The following THSD7A variants were observed in gnomAD, a reference collection of about 807,000 sequenced individuals.
THSD7A encodes the protein thrombospondin type-1 domain-containing protein 7A.
In THSD7A, 96 loss-of-function variants were observed where a neutral mutation model predicts 231.3. That is an observed-to-expected ratio of 0.41 (90% CI 0.35 to 0.49). The LOEUF (loss-of-function observed/expected upper bound fraction) is 0.49. Ranked by LOEUF, THSD7A falls within the 20% of genes least tolerant of loss-of-function variation. THSD7A has a pLI of 0.05. For synonymous variants in THSD7A, 940 were observed against 743.3 expected (o/e 1.26, Z -4.30); for missense variants, 2,290 against 2,070.2 (o/e 1.11, Z -2.06).
Position 11,446,333 on chromosome 7 carries a change from G to C in THSD7A, c.2801-9C>G, listed in dbSNP as rs1488172541. 14 of 1,605,872 alleles carry C rather than the reference G, an allele frequency of 8.7e-6. No individual in the cohort carries two copies. The highest frequency in any genetic ancestry group is 3.4e-5 in the Admixed American group (2 of 59,560). Reference sequence around the variant, plus strand: ...CTTCTTTTTACTTTTTCCTGTGGAAGAGAAACAATCAGGCAATTTAAGTTG... The same window carrying C: ...CTTCTTTTTACTTTTTCCTGTGGAACAGAAACAATCAGGCAATTTAAGTTG... On this transcript the variant is annotated splice_polypyrimidine_tract_variant and intron_variant, in intron 12 of 27. Coordinates refer to ENST00000423059, the MANE Select transcript of THSD7A (RefSeq NM_015204.3). This position sits in a 1 kb window ranked among gnomAD's most constrained non-coding sequence, Gnocchi z 4.0.
chr7:11,527,249 A>G (rs1788513435), intron 6 of THSD7A, among the ~76,000 whole-genome samples: 1 of 152,200 alleles, frequency 6.6e-6, no homozygotes, highest in African/African-American at 2.4e-5. Flanking sequence ...TGAAAATATA[A>G]GCCAAATATT....
At chr7:11,511,539 C>G (rs1311174203) in intron 6 of THSD7A, among the ~76,000 whole-genome samples, 1 of 152,156 alleles carries the variant, frequency 6.6e-6, no homozygotes, top group African/African-American at 2.4e-5. Context: ...AACTATACCA[C>G]AAGGCTACAG....
At chr7:11,523,733 GAA>G (rs1788361452) in intron 6 of THSD7A, among the ~76,000 whole-genome samples, 1 of 152,036 alleles carries the variant, frequency 6.6e-6, no homozygotes. Context: ...AAAAAAACCA[GAA>G]TATACTGGTC....
chr7:11,649,398 AT>A (rs1782408833), intron 1 of THSD7A, among the ~76,000 whole-genome samples: 1 of 152,036 alleles, frequency 6.6e-6, no homozygotes, highest in South Asian at 2.1e-4. Context: ...GATAATGAAT[AT>A]TTATTGGTTA....
At chr7:11,424,949 C>T (rs1348258445) in intron 15 of THSD7A, 120 bp from the exon 16 acceptor site, 4 of 1,200,088 alleles carry the variant, frequency 3.3e-6, no homozygotes, top group Non-Finnish European at 4.7e-6. Context: ...TCCTTTACTG[C>T]TTATTATTCT....
chr7:11,764,569 C>CAA (rs11423096), intron 1 of THSD7A, among the ~76,000 whole-genome samples: 2,680 of 106,226 alleles, frequency 0.025, 113 homozygotes, highest in African/African-American at 0.089. Flanking sequence ...GACTCCGTCT[C>CAA]AAAAAAAAAA....
chr7:11,812,279 G>C (rs1784553485), intron 1 of THSD7A, among the ~76,000 whole-genome samples: 1 of 151,976 alleles, frequency 6.6e-6, no homozygotes, highest in African/African-American at 2.4e-5. Flanking sequence ...TTACTTTCAA[G>C]AAAATTCACA....
At chr7:11,649,762 T>C in intron 1 of THSD7A, among the ~76,000 whole-genome samples, 1 of 152,076 alleles carries the variant, frequency 6.6e-6, no homozygotes, top group Non-Finnish European at 1.5e-5. Context: ...GTCGAAATTA[T>C]ATCCAATTAA....
chr7:11,552,126 A>T (rs1201134441), intron 4 of THSD7A, among the ~76,000 whole-genome samples: 1 of 152,036 alleles, frequency 6.6e-6, no homozygotes, highest in African/African-American at 2.4e-5. Context: ...CATGAACACA[A>T]AGTAGGGAAA....
intron 17 of THSD7A, among the ~76,000 whole-genome samples, chr7:11,413,633 T>C (rs943299837): frequency 1.3e-5 from 2 of 152,164 alleles, no homozygotes; most frequent in Admixed American, 1.3e-4. Flanking sequence ...AACAGGCTTT[T>C]CCCCAAACCC....
rs1350126884 is a variant in THSD7A at position 11,372,017 on chromosome 7, G to A, written c.*3777C>T. 1 of 151,982 alleles carries A rather than the reference G, an allele frequency of 6.6e-6. No individual in the cohort carries two copies. Among genetic ancestry groups the A allele is most frequent in the Non-Finnish European group, 1.5e-5 (1 of 68,022 alleles). 9.4% of individuals were successfully genotyped at this position (151,982 alleles called of 1,614,324 possible). On this transcript the variant is annotated 3_prime_UTR_variant, in exon 28 of 28. Transcript: ENST00000423059. ...CCAAGGATACAGGTTGTTGGGGGAG[G>A]TAAATAAGTGTGTGAGAGGTCTATT...
intron 1 of THSD7A, among the ~76,000 whole-genome samples, chr7:11,698,886 G>T (rs746647384): frequency 2.6e-5 from 4 of 151,156 alleles, no homozygotes; most frequent in Non-Finnish European, 4.4e-5. Flanking sequence ...TGGATCAGCT[G>T]TGTAGCATAA....
At chr7:11,543,760 T>C (rs979895614) in intron 4 of THSD7A, among the ~76,000 whole-genome samples, 1 of 152,234 alleles carries the variant, frequency 6.6e-6, no homozygotes, top group Non-Finnish European at 1.5e-5. Flanking sequence ...ATTATCTACA[T>C]TTGTTCATAA....
intron 1 of THSD7A, among the ~76,000 whole-genome samples, chr7:11,806,768 G>A (rs913423583): frequency 6.6e-6 from 1 of 152,106 alleles, no homozygotes; most frequent in Non-Finnish European, 1.5e-5. Flanking sequence ...AGCCAAAGCT[G>A]GAGGAAAGGT....
At chr7:11,669,345 A>AAT (rs1430909801) in intron 1 of THSD7A, among the ~76,000 whole-genome samples, 1 of 152,002 alleles carries the variant, frequency 6.6e-6, no homozygotes, top group Non-Finnish European at 1.5e-5. Flanking sequence ...TCATTAATTT[A>AAT]ATATATATAT....
chr7:11,686,704 C>T (rs1780069103), intron 1 of THSD7A, among the ~76,000 whole-genome samples: 1 of 151,850 alleles, frequency 6.6e-6, no homozygotes, highest in Non-Finnish European at 1.5e-5. Flanking sequence ...AGCTGGAGGC[C>T]ATAATCCTAA....
At chr7:11,428,804 A>T (rs891861722) in intron 14 of THSD7A, 143 bp downstream of exon 14, 3 of 841,850 alleles carry the variant, frequency 3.6e-6, no homozygotes, top group African/African-American at 3.5e-5. Flanking sequence ...AATAACATGT[A>T]TGTATTTATT....
rs985292548 is a variant in THSD7A, at chr7:11,701,613, T to C, written c.191-64652A>G. ...GCTTAGTGCTTTTCAAAATTTAGTGTTCAAATAAATAACCTGGGGTCTTGT... is the reference window on the plus strand; with the variant it reads ...GCTTAGTGCTTTTCAAAATTTAGTGCTCAAATAAATAACCTGGGGTCTTGT... On this transcript the variant is annotated intron_variant, in intron 1 of 27. Coordinates refer to ENST00000423059, the MANE Select transcript of THSD7A (RefSeq NM_015204.3). 2.0e-5 allele frequency among the ~76,000 whole-genome samples: 3 copies of C among 151,116 alleles called. No individual in the cohort carries two copies. In the South Asian group the frequency reaches 6.2e-4, roughly 31 times the overall value.
At chr7:11,564,273 G>A (rs1790207385) in intron 4 of THSD7A, among the ~76,000 whole-genome samples, 1 of 152,178 alleles carries the variant, frequency 6.6e-6, no homozygotes, top group African/African-American at 2.4e-5. Flanking sequence ...AAACACTGCT[G>A]GTGAGGAGGG....
Sources: gnomAD v4.1 joint callset for allele counts (sites outside exome capture counted in the v4.1 genomes callset) on GRCh38, gnomAD v4.1.1 for gene constraint, Gnocchi (gnomAD v3.1) non-coding constraint, MANE v1.5 for transcripts, NCBI Gene and HGNC (gene_info 2026-07-23, HGNC 2026-07-21) for gene names.